HSPA12A: variants seen among roughly 807,000 people sequenced by gnomAD.
HSPA12A encodes the protein heat shock 70 kDa protein 12A.
HSPA12A carries 28 observed loss-of-function variants against 69.2 expected under a neutral mutation model. The ratio of observed to expected loss-of-function variants is 0.40; its 90% CI spans 0.30 to 0.55. The LOEUF (loss-of-function observed/expected upper bound fraction) is 0.55. HSPA12A is among the 20% of genes least tolerant of loss of function. The pLI, the probability that HSPA12A is intolerant of heterozygous loss-of-function variation, is 0.38. For synonymous variants in HSPA12A, 345 were observed against 370.5 expected (o/e 0.93, Z 0.79); for missense variants, 686 against 900.7 (o/e 0.76, Z 3.05).
chr10:116,746,219 C>A (rs1016294746), upstream of HSPA12A, among the ~76,000 whole-genome samples: 29 of 152,188 alleles, frequency 1.9e-4, no homozygotes, highest in Non-Finnish European at 1.5e-5. Context: ...CCCACCACAT[C>A]CATTCATGCA....
intron 2 of HSPA12A, among the ~76,000 whole-genome samples, chr10:116,752,790 T>C (rs1851803019): frequency 1.3e-5 from 2 of 152,146 alleles, no homozygotes; most frequent in South Asian, 4.1e-4. Context: ...CATGAACCCT[T>C]TTATACTAGG....
intron 2 of HSPA12A, chr10:116,831,945 G>T (rs1845623686): frequency 6.6e-6 from 1 of 152,206 alleles, no homozygotes; most frequent in Non-Finnish European, 1.5e-5. Flanking sequence ...TGCAGGTCAG[G>T]ACTCCGAGTC....
At chr10:116,705,890 CTCCT>C (rs1850230180) in intron 2 of HSPA12A, among the ~76,000 whole-genome samples, 2 of 137,432 alleles carry the variant, frequency 1.5e-5, no homozygotes, top group Admixed American at 1.6e-4. Flanking sequence ...CTTTCTCTCT[CTCCT>C]TTTTTTTTTT....
At chr10:116,696,747 C>T (rs782578212) in intron 5 of HSPA12A, among the ~76,000 whole-genome samples, 15 of 152,162 alleles carry the variant, frequency 9.9e-5, no homozygotes, top group Non-Finnish European at 1.6e-4. Context: ...TTATCCTGAG[C>T]TCACGGCATC....
intron 2 of HSPA12A, among the ~76,000 whole-genome samples, chr10:116,794,505 C>T (rs142013979): frequency 3.5e-4 from 54 of 152,198 alleles, no homozygotes; most frequent in East Asian, 2.5e-3. Context: ...TACATCAGAA[C>T]GCAATAGTAA....
chr10:116,842,277 G>A (rs928495944), intron 1 of HSPA12A, among the ~76,000 whole-genome samples: 2 of 152,176 alleles, frequency 1.3e-5, no homozygotes, highest in African/African-American at 4.8e-5. Context: ...GAGTCACAGA[G>A]AAAACATTTT....
chr10:116,730,098 G>A (rs782237869), intron 1 of HSPA12A, among the ~76,000 whole-genome samples: 7 of 152,156 alleles, frequency 4.6e-5, no homozygotes, highest in South Asian at 4.1e-4. Flanking sequence ...CAGAAGAATC[G>A]CTTGAACCCT....
At chr10:116,714,088 T>G (rs1296817424) in intron 1 of HSPA12A, among the ~76,000 whole-genome samples, 1 of 151,324 alleles carries the variant, frequency 6.6e-6, no homozygotes, top group Non-Finnish European at 1.5e-5. Context: ...GGTGAGTGGA[T>G]GGATGGACGG....
Position 116,777,773 on chromosome 10 carries a change from G to A in HSPA12A, c.91+57162C>T, listed in dbSNP as rs371377136. On this transcript the variant is annotated intron_variant, in intron 2 of 12. Coordinates refer to the HSPA12A transcript ENST00000635765. ...GACGGAGTCTCACTCTGTCACCCAG[G>A]CTGGAGTACAGTGGCGCAATCTCAG... Among the ~76,000 whole-genome samples the A allele has an allele frequency of 3.9e-5, 6 of 152,362 alleles. No homozygotes were observed. In the East Asian group the frequency reaches 1.2e-3, roughly 29 times the overall value.
intron 3 of HSPA12A, among the ~76,000 whole-genome samples, chr10:116,703,058 C>T (rs988623362): frequency 3.9e-5 from 6 of 152,122 alleles, no homozygotes; most frequent in African/African-American, 1.4e-4. Flanking sequence ...TATTCTTTTC[C>T]ACTGGGATTT....
At chr10:116,777,687 G>T (rs754578078) in intron 2 of HSPA12A, among the ~76,000 whole-genome samples, 6 of 152,208 alleles carry the variant, frequency 3.9e-5, no homozygotes, top group Non-Finnish European at 7.3e-5. Context: ...TAAGTGCATC[G>T]ACAATAGTCA....
chr10:116,756,165 T>C (rs564541948), intron 2 of HSPA12A, among the ~76,000 whole-genome samples: 1 of 152,278 alleles, frequency 6.6e-6, no homozygotes, highest in South Asian at 2.1e-4. Context: ...CTTAAGGCTT[T>C]ATAATCTTTT....
In HSPA12A at chr10:116,792,203, G is replaced by C. The variant is rs578062305; in HGVS notation, c.91+42732C>G. On this transcript the variant is annotated intron_variant, in intron 2 of 12. Transcript: ENST00000635765. ...GTTGATCACGTAAGCATGTGAGTGG[G>C]ACAACCCCAAACCCAGCCCCAGTTC... 6.0e-4 allele frequency among the ~76,000 whole-genome samples: 79 copies of C among 132,736 alleles called. 2 individuals are homozygous for C. The highest frequency in any genetic ancestry group is 2.2e-3 in the African/African-American group (77 of 35,170). The allele number at this position is 132,736 out of a possible 152,430, so 87.1% of individuals were successfully genotyped here.
chr10:116,716,154 G>A (rs1350946928), intron 1 of HSPA12A, among the ~76,000 whole-genome samples: 1 of 152,052 alleles, frequency 6.6e-6, no homozygotes, highest in Non-Finnish European at 1.5e-5. Context: ...GAGGAGGTGG[G>A]GGTGGGGGGT....
intron 2 of HSPA12A, among the ~76,000 whole-genome samples, chr10:116,814,261 AGAG>A (rs369347739): frequency 6.6e-6 from 1 of 152,380 alleles, no homozygotes; most frequent in African/African-American, 2.4e-5. Context: ...ACAGAAGCAC[AGAG>A]GAGAAGCCAG....
rs1021516675 is a variant in HSPA12A at position 116,771,324 on chromosome 10, A to G, written c.91+63611T>C. Among the ~76,000 whole-genome samples the G allele has an allele frequency of 8.5e-5, 13 of 152,212 alleles. No individual in the cohort carries two copies. The East Asian group carries it at 2.5e-3, about 29-fold the overall frequency. ...AGCAGCCGCTGGCTGTGGAGGCCAC[A>G]CAGAGGGGAGGGGAGGACAGGGGCC... On this transcript the variant is annotated intron_variant, in intron 2 of 12. Transcript: ENST00000635765.
At chr10:116,696,256 G>A (rs1225958367) in intron 5 of HSPA12A, among the ~76,000 whole-genome samples, 1 of 152,104 alleles carries the variant, frequency 6.6e-6, no homozygotes, top group Non-Finnish European at 1.5e-5. Flanking sequence ...AATAGACTAA[G>A]ACACTTGATA....
chr10:116,838,554 T>G (rs1460317363), intron 1 of HSPA12A, among the ~76,000 whole-genome samples: 1 of 152,190 alleles, frequency 6.6e-6, no homozygotes, highest in African/African-American at 2.4e-5. Flanking sequence ...TTTGGTTTAT[T>G]TGTACTTGAT....
At chr10:116,680,769 G>A (rs1184896629) in intron 9 of HSPA12A, among the ~76,000 whole-genome samples, 1 of 152,232 alleles carries the variant, frequency 6.6e-6, no homozygotes, top group Non-Finnish European at 1.5e-5. Flanking sequence ...ACAGGCGTGA[G>A]CCACCGCACT....
Sources: allele counts gnomAD v4.1 joint callset (sites outside exome capture counted in the v4.1 genomes callset), GRCh38; gene constraint gnomAD v4.1.1; transcripts MANE v1.5; gene names NCBI Gene and HGNC (gene_info 2026-07-23, HGNC 2026-07-21).